Variants in ARHGEF18 observed in about 807,000 individuals in gnomAD.
ARHGEF18 encodes the protein Rho/Rac guanine nucleotide exchange factor 18, also known as rho guanine nucleotide exchange factor 18.
Under a neutral mutation model 155.7 loss-of-function variants are expected in ARHGEF18, and 93 were observed. The ratio of observed to expected loss-of-function variants is 0.60; its 90% CI spans 0.50 to 0.71. The LOEUF (loss-of-function observed/expected upper bound fraction) is 0.71. ARHGEF18 is among the 30% of genes least tolerant of loss of function. The pLI is 0.00. For synonymous variants in ARHGEF18, 742 were observed against 753.1 expected (o/e 0.99, Z 0.24); for missense variants, 1,593 against 1,816.1 (o/e 0.88, Z 2.23).
intron 10 of ARHGEF18, among the ~76,000 whole-genome samples, chr19:7,421,244 C>T (rs959226073): frequency 2.0e-5 from 3 of 152,156 alleles, no homozygotes; most frequent in Non-Finnish European, 2.9e-5. Flanking sequence ...TTGAACAGCA[C>T]GGGTTTCAGC....
At chr19:7,392,548 C>CA (rs1217390647) in intron 10 of ARHGEF18, 275 of 140,438 alleles carry the variant, frequency 2.0e-3, no homozygotes, top group Middle Eastern at 3.6e-3. Flanking sequence ...GAAAAAAAAA[C>CA]AAAAAAAAAA....
chr19:7,439,197 T>C (rs919014548), intron 10 of ARHGEF18, among the ~76,000 whole-genome samples: 12 of 151,940 alleles, frequency 7.9e-5, no homozygotes, highest in African/African-American at 2.7e-4. Context: ...TTGAGCTTTA[T>C]TAAGTGTTGC....
At chr19:7,477,222 C>T, downstream of ARHGEF18, 1 of 1,522,010 alleles carries the variant, frequency 6.6e-7, no homozygotes, top group Non-Finnish European at 8.8e-7. Context: ...GTGGCCTCGG[C>T]CTGGCCGCCG....
rs896749064 is a variant in ARHGEF18 at position 7,470,518 on chromosome 19, T to TC, written c.*220_*221insC. On this transcript the variant is annotated 3_prime_UTR_variant, in exon 29 of 29. Transcript: ENST00000668164. The surrounding 1 kb of genome is among the most constrained non-coding windows in gnomAD (Gnocchi z 5.9). ...TGCCGGGGTCACTTTCTGAATCTCT[T>TC]TTTTTTTTTTTCAAAAAGGAAAGTT... is the stretch of plus-strand genomic sequence containing the variant. The TC allele has an allele frequency of 8.3e-6, 3 of 361,678 alleles. No individual in the cohort carries two copies. Among genetic ancestry groups the TC allele is most frequent in the African/African-American group, 4.3e-5 (2 of 46,292 alleles). The allele number at this position is 361,678 out of a possible 1,614,324, so 22.4% of individuals were successfully genotyped here.
chr19:7,478,056 C>G, the ARHGEF18 span, among the ~76,000 whole-genome samples: 2 of 152,350 alleles, frequency 1.3e-5, no homozygotes, highest in African/African-American at 4.8e-5. Context: ...GTAACAATGG[C>G]CATGGCCTTC....
At chr19:7,412,194 C>G (rs757891753) in intron 10 of ARHGEF18, among the ~76,000 whole-genome samples, 8 of 151,812 alleles carry the variant, frequency 5.3e-5, no homozygotes, top group Non-Finnish European at 7.4e-5. Context: ...CGCCACCACA[C>G]CCGGCTAATT....
Position 7,419,322 on chromosome 19 carries a change from C to G in ARHGEF18, c.968-21022C>G, listed in dbSNP as rs149891540. ...GGTGTGCCCACACTTGGCCCCCACA[C>G]CCGGGTGTGCCCACACTTGGCCCCC... On this transcript the variant is annotated intron_variant, in intron 10 of 28. Coordinates refer to ENST00000668164, the MANE Select transcript of ARHGEF18 (RefSeq NM_001367823.1). Among the ~76,000 whole-genome samples, 1,429 of 150,554 alleles carry G rather than the reference C, an allele frequency of 9.5e-3. 33 individuals are homozygous for G. Among genetic ancestry groups the G allele is most frequent in the African/African-American group, 0.033 (1,342 of 40,582 alleles).
At chr19:7,387,342 C>A (rs751000481) in intron 10 of ARHGEF18, among the ~76,000 whole-genome samples, 40 of 151,894 alleles carry the variant, frequency 2.6e-4, no homozygotes, top group African/African-American at 9.4e-4. Flanking sequence ...TTAGTAGAGA[C>A]GGGGTTTCAC....
chr19:7,357,393 T>A (rs1186660050), intron 1 of ARHGEF18, among the ~76,000 whole-genome samples: 1 of 152,192 alleles, frequency 6.6e-6, no homozygotes, highest in Non-Finnish European at 1.5e-5. Flanking sequence ...GGCTGGGATT[T>A]ATATGCTAGC....
chr19:7,379,034 T>C, intron 6 of ARHGEF18, 88 bp from the exon 7 acceptor site: 1 of 1,179,444 alleles, frequency 8.5e-7, no homozygotes, highest in Non-Finnish European at 1.1e-6. Flanking sequence ...ACCTGAGGCC[T>C]GCTTGGGCAA....
At chr19:7,372,476 GA>G (rs66871458) in intron 2 of ARHGEF18, among the ~76,000 whole-genome samples, 60,890 of 147,312 alleles carry the variant, frequency 0.41, 13,843 homozygotes, top group African/African-American at 0.63. Context: ...GTACCAAAAA[GA>G]AAAAAAAAAA....
chr19:7,351,074 G>A (rs1431394173), intron 1 of ARHGEF18, among the ~76,000 whole-genome samples: 1 of 152,174 alleles, frequency 6.6e-6, no homozygotes, highest in Non-Finnish European at 1.5e-5. Context: ...AAAGTGCTGG[G>A]ATTACAGGCA....
intron 10 of ARHGEF18, among the ~76,000 whole-genome samples, chr19:7,424,761 C>T (rs12985939): frequency 0.3 from 46,026 of 151,822 alleles, 7,425 homozygotes; most frequent in Middle Eastern, 0.54. Context: ...TTTGGGAGGC[C>T]GAGGCGGGCG....
At chr19:7,373,918 C>A (rs1436734143) in intron 3 of ARHGEF18, among the ~76,000 whole-genome samples, 2 of 149,902 alleles carry the variant, frequency 1.3e-5, no homozygotes, top group South Asian at 4.2e-4. Flanking sequence ...CACCACCACA[C>A]CCGGCTAATT....
chr19:7,439,618 A>C, intron 10 of ARHGEF18: 3 of 1,036,632 alleles, frequency 2.9e-6, no homozygotes, highest in Non-Finnish European at 3.5e-6. Flanking sequence ...CACCATATGG[A>C]ACAGAATCGG....
chr19:7,415,288 G>A (rs749167959), intron 10 of ARHGEF18, among the ~76,000 whole-genome samples: 3 of 151,740 alleles, frequency 2.0e-5, no homozygotes, highest in Non-Finnish European at 2.9e-5. Context: ...TGCTTAGAGC[G>A]CCCTCCTGAG....
chr19:7,442,787 C>T (rs6603079), intron 13 of ARHGEF18, among the ~76,000 whole-genome samples: 85,324 of 152,024 alleles, frequency 0.56, 24,274 homozygotes, highest in Middle Eastern at 0.75. Flanking sequence ...ACGTCTAAGA[C>T]CAAGGCGGCG....
At position 7,453,317 on chromosome 19, in the gene ARHGEF18, G is replaced by T. The variant is rs892206242; in HGVS notation, c.1856-150G>T. ...GATCTTGAGGGTCTTCTGAGTGGTG[G>T]CCTTGGAGAACACACCTCATAGATC... On this transcript the variant is annotated intron_variant, in intron 16 of 28. Coordinates refer to ENST00000668164, the MANE Select transcript of ARHGEF18 (RefSeq NM_001367823.1). 7 of 767,374 alleles carry T rather than the reference G, an allele frequency of 9.1e-6. No homozygotes were observed. The African/African-American group carries it at 1.2e-4, about 14-fold the overall frequency. 47.5% of individuals were successfully genotyped at this position (767,374 alleles called of 1,614,324 possible).
intron 10 of ARHGEF18, among the ~76,000 whole-genome samples, chr19:7,388,399 G>A (rs1302291371): frequency 6.6e-6 from 1 of 151,594 alleles, no homozygotes; most frequent in Non-Finnish European, 1.5e-5. Flanking sequence ...CGGTCTGTAA[G>A]TGCTCTAAAC....
Sources: gnomAD v4.1 joint callset for allele counts (sites outside exome capture counted in the v4.1 genomes callset) on GRCh38, gnomAD v4.1.1 for gene constraint, Gnocchi (gnomAD v3.1) non-coding constraint, MANE v1.5 for transcripts, NCBI Gene and HGNC (gene_info 2026-07-23, HGNC 2026-07-21) for gene names.